The following TJP1 variants were observed in gnomAD, a reference collection of about 807,000 sequenced individuals.
TJP1 encodes tight junction protein ZO-1.
Under a neutral mutation model 194.2 loss-of-function variants are expected in TJP1, and 43 were observed. That is an observed-to-expected ratio of 0.22 (90% confidence interval 0.17 to 0.29). The LOEUF is 0.29. TJP1 is among the 10% of genes least tolerant of loss of function. The probability of loss-of-function intolerance (pLI) is 1.00; values close to 1 mark genes in which losing one functional copy is unlikely to be tolerated. For missense variants in TJP1, 1,971 were observed against 2,185.7 expected (o/e 0.90, Z 1.96); for synonymous variants, 801 against 779.0 (o/e 1.03, Z -0.47).
chr15:29,837,575 A>G (rs62014469), intron 2 of TJP1, among the ~76,000 whole-genome samples: 130 of 152,352 alleles, frequency 8.5e-4, no homozygotes, highest in South Asian at 1.9e-3. Context: ...AATTAAAAAC[A>G]AAAAGTCTCT....
At chr15:29,952,987 G>C (rs2055804751) in intron 2 of TJP1, among the ~76,000 whole-genome samples, 1 of 152,050 alleles carries the variant, frequency 6.6e-6, no homozygotes, top group Admixed American at 6.6e-5. Context: ...CTGTGGCTAA[G>C]GTTTTAAATT....
intron 1 of TJP1, among the ~76,000 whole-genome samples, chr15:29,817,850 G>A (rs1162017637): frequency 6.6e-6 from 1 of 152,104 alleles, no homozygotes; most frequent in Non-Finnish European, 1.5e-5. Context: ...ACCCGGGTTG[G>A]TGGTGGGGGG....
At chr15:29,949,996 C>T (rs1279982713) in intron 2 of TJP1, among the ~76,000 whole-genome samples, 1 of 77,694 alleles carries the variant, frequency 1.3e-5, no homozygotes, top group Non-Finnish European at 2.4e-5. Flanking sequence ...CCTCCACCAC[C>T]ACCACCTCCA....
intron 2 of TJP1, among the ~76,000 whole-genome samples, chr15:29,898,842 T>C (rs1488536885): frequency 6.6e-6 from 1 of 152,218 alleles, no homozygotes; most frequent in Non-Finnish European, 1.5e-5. Flanking sequence ...GAAGAATTAC[T>C]CCCACCTTGA....
rs187824768 is a variant in TJP1 at position 29,895,945 on chromosome 15, C to T, written c.306+60287G>A. On this transcript the variant is annotated intron_variant, in intron 2 of 28. Coordinates refer to the TJP1 transcript ENST00000356107. ...GAGCCCACTCTCTCTTATATAGTGC[C>T]GCCTTCTTCTGTCCTCACGTGATGT... Among the ~76,000 whole-genome samples, 24 of 152,258 alleles carry T rather than the reference C, an allele frequency of 1.6e-4. 1 individual carries two copies. Among genetic ancestry groups the T allele is most frequent in the African/African-American group, 5.1e-4 (21 of 41,548 alleles).
At chr15:29,944,377 G>A (rs1359691326) in intron 2 of TJP1, among the ~76,000 whole-genome samples, 1 of 152,068 alleles carries the variant, frequency 6.6e-6, no homozygotes, top group Non-Finnish European at 1.5e-5. Context: ...TTACAGGCGT[G>A]AGCCACCGCG....
At chr15:29,846,363 C>T (rs1271596552) in intron 2 of TJP1, among the ~76,000 whole-genome samples, 1 of 152,142 alleles carries the variant, frequency 6.6e-6, no homozygotes, top group Non-Finnish European at 1.5e-5. Flanking sequence ...TATGCTGCGC[C>T]TTTCATTGCC....
At chr15:29,951,593 C>T (rs1255165933) in intron 2 of TJP1, among the ~76,000 whole-genome samples, 2 of 152,160 alleles carry the variant, frequency 1.3e-5, no homozygotes, top group Non-Finnish European at 2.9e-5. Flanking sequence ...AAAATGTACT[C>T]AAATGTAACA....
intron 8 of TJP1, chr15:29,760,202 G>A (rs1462834632): frequency 2.8e-6 from 2 of 702,240 alleles, no homozygotes; most frequent in East Asian, 2.7e-5. Flanking sequence ...ATAGAGCCTT[G>A]GGAGTCTCCA....
chr15:29,756,418 T>C (rs112827839), intron 8 of TJP1, among the ~76,000 whole-genome samples: 2,367 of 152,352 alleles, frequency 0.016, 33 homozygotes, highest in Non-Finnish European at 0.024. Flanking sequence ...TTTTCTGTAA[T>C]TGACTCCCTT....
At chr15:29,782,090 G>C (rs974301847) in intron 2 of TJP1, among the ~76,000 whole-genome samples, 1 of 152,142 alleles carries the variant, frequency 6.6e-6, no homozygotes, top group East Asian at 1.9e-4. Context: ...CAGTGCAAAA[G>C]CTCCTTAAGC....
intron 1 of TJP1, among the ~76,000 whole-genome samples, chr15:29,813,273 T>A (rs1246110164): frequency 1.3e-5 from 2 of 152,122 alleles, no homozygotes; most frequent in Non-Finnish European, 2.9e-5. Flanking sequence ...TTCAAGATAA[T>A]CATAGGAACA....
rs2043781343 is a variant in TJP1, at chr15:29,733,133, T to C, written c.1697A>G (p.His566Arg). 8 of 1,614,142 alleles carry C rather than the reference T, an allele frequency of 5.0e-6. No individual in the cohort carries two copies. The East Asian group carries it at 1.8e-4, about 36-fold the overall frequency. ...GATGATGCCTCGTTCTACCTCCTTATGATTTTTACCAATTCGAATAGCAAG... is the reference window on the plus strand; with the variant it reads ...GATGATGCCTCGTTCTACCTCCTTACGATTTTTACCAATTCGAATAGCAAG... ...SWLAIRIGKN[H>R]KEVERGIIPN... Residue 566 changes from histidine to arginine, a missense_variant, in exon 13 of 28, where the codon CAT becomes CGT. This residue lies in a region of TJP1 where 402 missense variants were observed against 484.2 expected (regional missense o/e 0.83). Coordinates refer to ENST00000614355, the MANE Select transcript of TJP1 (RefSeq NM_001330239.4).
intron 23 of TJP1, among the ~76,000 whole-genome samples, chr15:29,714,242 A>G (rs1177914329): frequency 6.6e-6 from 1 of 151,110 alleles, no homozygotes; most frequent in African/African-American, 2.4e-5. Flanking sequence ...ACCTAAATAT[A>G]CTCCTTTTTT....
chr15:29,809,904 C>A (rs963295568), intron 1 of TJP1, among the ~76,000 whole-genome samples: 1 of 151,528 alleles, frequency 6.6e-6, no homozygotes, highest in African/African-American at 2.4e-5. Flanking sequence ...TAAAAGTGTG[C>A]TAATGATAAT....
chr15:29,747,057 G>C (rs915380010), intron 8 of TJP1, among the ~76,000 whole-genome samples: 10 of 152,084 alleles, frequency 6.6e-5, no homozygotes, highest in African/African-American at 2.4e-4. Flanking sequence ...GGCCGAGGTC[G>C]GTGGATCACC....
chr15:29,895,470 A>G (rs1168317749), intron 2 of TJP1, among the ~76,000 whole-genome samples: 2 of 152,180 alleles, frequency 1.3e-5, no homozygotes, highest in Non-Finnish European at 2.9e-5. Flanking sequence ...AACAATGATC[A>G]TGTTTCCTAT....
intron 2 of TJP1, among the ~76,000 whole-genome samples, chr15:29,910,780 TAC>T (rs1462008800): frequency 6.6e-6 from 1 of 152,176 alleles, no homozygotes; most frequent in Non-Finnish European, 1.5e-5. Context: ...AATAACACGC[TAC>T]AAGCACAGAG....
intron 2 of TJP1, among the ~76,000 whole-genome samples, chr15:29,872,438 A>G (rs1014871163): frequency 6.6e-6 from 1 of 152,202 alleles, no homozygotes; most frequent in African/African-American, 2.4e-5. Context: ...AACATATTTC[A>G]GATACTGAAG....
Sources: allele counts gnomAD v4.1 joint callset (sites outside exome capture counted in the v4.1 genomes callset), GRCh38; gene constraint gnomAD v4.1.1; regional missense constraint gnomAD v4.1.1; transcripts MANE v1.5; gene names NCBI Gene and HGNC (gene_info 2026-07-23, HGNC 2026-07-21).